GPSM2: variants seen among roughly 807,000 people sequenced by gnomAD.
GPSM2 encodes the protein G protein signaling modulator 2.
A neutral mutation model predicts 78.4 loss-of-function variants in GPSM2; 58 were observed. The ratio of observed to expected loss-of-function variants is 0.74; its 90% CI spans 0.60 to 0.92. The LOEUF is 0.92. Ranked by LOEUF, GPSM2 falls within the 40% of genes least tolerant of loss-of-function variation. The probability of loss-of-function intolerance (pLI) is 0.00; values close to 1 mark genes in which losing one functional copy is unlikely to be tolerated. For missense variants in GPSM2, 700 were observed against 815.5 expected (o/e 0.86, Z 1.73); for synonymous variants, 224 against 280.2 (o/e 0.80, Z 2.00).
chr1:108,899,264 T>C (rs1263913746), intron 7 of GPSM2, among the ~76,000 whole-genome samples: 1 of 152,220 alleles, frequency 6.6e-6, no homozygotes, highest in Non-Finnish European at 1.5e-5. Context: ...CTTTATAATA[T>C]TGGTTTTTAT....
intron 8 of GPSM2, among the ~76,000 whole-genome samples, chr1:108,902,865 A>T (rs1648923919): frequency 6.6e-6 from 1 of 152,178 alleles, no homozygotes. Context: ...GAGATTTATT[A>T]CTTTATAATG....
chr1:108,920,785 C>T (rs1570949882), intron 12 of GPSM2, among the ~76,000 whole-genome samples: 1 of 152,208 alleles, frequency 6.6e-6, no homozygotes, highest in Non-Finnish European at 1.5e-5. Flanking sequence ...GGAAGCCATG[C>T]CTTTGTTCAA....
chr1:108,902,187 A>G (rs1446922720), intron 8 of GPSM2, among the ~76,000 whole-genome samples: 2 of 151,972 alleles, frequency 1.3e-5, no homozygotes, highest in Admixed American at 1.3e-4. Flanking sequence ...TTACCTCTTC[A>G]GAAGTCTTCC....
intron 9 of GPSM2, among the ~76,000 whole-genome samples, chr1:108,903,508 A>C (rs146170363): frequency 1.6e-4 from 25 of 152,252 alleles, no homozygotes; most frequent in African/African-American, 5.5e-4. Flanking sequence ...CCGCATCTCT[A>C]CATGGAGAAG....
intron 2 of GPSM2, among the ~76,000 whole-genome samples, chr1:108,896,094 C>T (rs747000144): frequency 2.6e-5 from 4 of 152,098 alleles, no homozygotes; most frequent in Admixed American, 6.5e-5. Flanking sequence ...GTGAAGGGCA[C>T]CCTCTAAAAT....
intron 9 of GPSM2, 110 bp downstream of exon 9, chr1:108,903,344 A>C: frequency 1.5e-6 from 1 of 680,566 alleles, no homozygotes; most frequent in Non-Finnish European, 2.7e-6. Flanking sequence ...AATAAATTTG[A>C]TTATATATCA....
intron 14 of GPSM2, among the ~76,000 whole-genome samples, chr1:108,927,866 G>C (rs1215003369): frequency 6.6e-5 from 10 of 152,130 alleles, no homozygotes; most frequent in Non-Finnish European, 1.2e-4. Flanking sequence ...AGGAGGCTGA[G>C]GTGGGAGGAT....
In GPSM2 at chr1:108,924,060, C is replaced by A. The variant is rs145191476; in HGVS notation, c.1661C>A (p.Ser554Ter). The change falls in exon 14 of 15, where the codon TCA becomes TAA. Residue 554 changes from serine (S) to a stop codon, truncating the protein, a stop_gained. Transcript: ENST00000264126. LOFTEE classifies it high-confidence loss of function. ...GAGTTTTTAGATCTTCTTGCCAGCTCACAGAGTCGCCGTCTGGATGACCAG... is the reference window on the plus strand; with the variant it reads ...GAGTTTTTAGATCTTCTTGCCAGCTAACAGAGTCGCCGTCTGGATGACCAG... ...TDEFLDLLAS[S>*]QSRRLDDQRA... 244 of 1,613,562 alleles carry A rather than the reference C, an allele frequency of 1.5e-4. No homozygotes were observed. The highest frequency in any genetic ancestry group is 2.0e-4 in the Non-Finnish European group (241 of 1,179,708).
At chr1:108,929,424 A>G (rs955813423) in intron 14 of GPSM2, 14 of 437,072 alleles carry the variant, frequency 3.2e-5, no homozygotes, top group Non-Finnish European at 5.0e-5. Context: ...TTAAAACAGT[A>G]TGACTTAACA....
intron 11 of GPSM2, 44 bp from the exon 12 acceptor site, chr1:108,918,568 AT>A: frequency 7.2e-7 from 1 of 1,388,178 alleles, no homozygotes; most frequent in South Asian, 1.2e-5. Context: ...AGAGCTGGGG[AT>A]TTGGGGGTGT....
intron 2 of GPSM2, among the ~76,000 whole-genome samples, chr1:108,892,346 A>G (rs1648031964): frequency 6.6e-6 from 1 of 152,210 alleles, no homozygotes; most frequent in South Asian, 2.1e-4. Flanking sequence ...GGAGGTAAAG[A>G]GGATAATAGT....
In GPSM2 at chr1:108,885,687, A is replaced by T. The variant is rs1647484940; in HGVS notation, c.56+109A>T. 4 of 767,602 alleles carry T rather than the reference A, an allele frequency of 5.2e-6. No homozygotes were observed. In the Admixed American group the frequency reaches 5.7e-5, roughly 11 times the overall value. The allele number at this position is 767,602 out of a possible 1,614,324, so 47.5% of individuals were successfully genotyped here. A position where few individuals can be genotyped will look rare whatever the true frequency, so the allele number is the denominator to read the frequency against. On this transcript the variant is annotated intron_variant, in intron 2 of 14. Transcript: ENST00000264126. The stretch of plus-strand genomic sequence containing the variant: ...TTGAAAATACTCAAATATACCAGCC[A>T]TAGTATTGTCTGTAGACAATATTTT...
At position 108,908,386 on chromosome 1, in the gene GPSM2, C is replaced by CA. The variant is rs558751204; in HGVS notation, c.1192+4140dup. Among the ~76,000 whole-genome samples the CA allele has an allele frequency of 1.6e-4, 21 of 134,278 alleles. No individual in the cohort carries two copies. The South Asian group carries it at 2.1e-3, about 14-fold the overall frequency. The allele number at this position is 134,278 out of a possible 152,430, so 88.1% of individuals were successfully genotyped here. ...ACTCTGTCTCAAAAACAAAAACAAA[C>CA]AAAAAAAACACAGGAGGCCAGGCGC... On this transcript the variant is annotated intron_variant, in intron 10 of 14. Coordinates refer to ENST00000264126, the MANE Select transcript of GPSM2 (RefSeq NM_013296.5).
intron 14 of GPSM2, 28 bp from the exon 15 acceptor site, chr1:108,929,673 T>C (rs199555600): frequency 2.4e-5 from 38 of 1,607,886 alleles, no homozygotes; most frequent in Non-Finnish European, 3.1e-5. Context: ...CCACAGTATG[T>C]CTTTTAATCT....
At chr1:108,905,475 A>AT in intron 10 of GPSM2, among the ~76,000 whole-genome samples, 1 of 152,108 alleles carries the variant, frequency 6.6e-6, no homozygotes, top group Non-Finnish European at 1.5e-5. Flanking sequence ...AGCTTACTTG[A>AT]TTTTTCTCAG....
At chr1:108,904,940 A>G (rs1385224594) in intron 10 of GPSM2, among the ~76,000 whole-genome samples, 2 of 152,124 alleles carry the variant, frequency 1.3e-5, no homozygotes, top group South Asian at 2.1e-4. Context: ...ATGTGATTCT[A>G]TATGAGATCA....
In GPSM2 at chr1:108,881,731, A is replaced by G. The variant is rs544431376; in HGVS notation, c.-248-3544A>G. On this transcript the variant is annotated intron_variant, in intron 1 of 14. Coordinates refer to ENST00000264126, the MANE Select transcript of GPSM2 (RefSeq NM_013296.5). The stretch of plus-strand genomic sequence containing the variant: ...TGCTCTTATTGAAATAGTGAATAGC[A>G]TTCTGTCTTCTTGCTTATTTTAATG... Among the ~76,000 whole-genome samples, 3 of 152,316 alleles carry G rather than the reference A, an allele frequency of 2.0e-5. No homozygotes were observed. In the South Asian group the frequency reaches 6.2e-4, roughly 32 times the overall value.
In GPSM2 at chr1:108,931,288, T is replaced by C; in HGVS notation, c.*1348T>C. ...ATGTCAGCTAGAACCTTAGTTGTCATTAAGCTTTGTCTTCCTTATCCCAGA... is the reference window on the plus strand; with the variant it reads ...ATGTCAGCTAGAACCTTAGTTGTCACTAAGCTTTGTCTTCCTTATCCCAGA... On this transcript the variant is annotated 3_prime_UTR_variant, in exon 15 of 15. Transcript: ENST00000264126. The C allele has an allele frequency of 6.6e-7, 1 of 1,521,894 alleles. No individual in the cohort carries two copies. Among genetic ancestry groups the C allele is most frequent in the Non-Finnish European group, 8.8e-7 (1 of 1,133,356 alleles). 94.3% of individuals were successfully genotyped at this position (1,521,894 alleles called of 1,614,324 possible). A position where few individuals can be genotyped will look rare whatever the true frequency, so the allele number is the denominator to read the frequency against.
chr1:108,931,660 T>A lies in GPSM2; in HGVS notation c.*1720T>A. The stretch of plus-strand genomic sequence containing the variant: ...AAAAAAAAAGTTCTAAATTACAACC[T>A]GGATTACATTATGTTTCATGTATAC... On this transcript the variant is annotated 3_prime_UTR_variant, in exon 15 of 15. Transcript: ENST00000264126. The A allele has an allele frequency of 1.1e-6, 1 of 883,016 alleles. No homozygotes were observed. The highest frequency in any genetic ancestry group is 1.6e-6 in the Non-Finnish European group (1 of 618,844). The allele number at this position is 883,016 out of a possible 1,614,324, so 54.7% of individuals were successfully genotyped here.
Sources: gnomAD v4.1 joint callset for allele counts (sites outside exome capture counted in the v4.1 genomes callset) on GRCh38, gnomAD v4.1.1 for gene constraint, MANE v1.5 for transcripts, NCBI Gene and HGNC (gene_info 2026-07-23, HGNC 2026-07-21) for gene names.